ZNF71: variants seen among roughly 807,000 people sequenced by gnomAD.
ZNF71 encodes zinc finger protein 71, also known as endothelial zinc finger protein induced by tumor necrosis factor alpha.
In ZNF71, 3 loss-of-function variants were observed where a neutral mutation model predicts 6.7. The observed-to-expected ratio is 0.45, with a 90% CI of 0.20 to 1.16. The LOEUF is 1.16. ZNF71 is among the 50% of genes most tolerant of loss of function. The pLI is 0.25. For synonymous variants in ZNF71, 343 were observed against 311.1 expected (o/e 1.10, Z -1.08); for missense variants, 688 against 728.6 (o/e 0.94, Z 0.64).
At position 56,618,018 on chromosome 19, in the gene ZNF71, C is replaced by T. The variant is rs1261998303; in HGVS notation, c.161-3250C>T. ...CCCCTGGAGACAGTCTTCTCTCCAC[C>T]GAGTCTACACCCCACACTACCATCT... On this transcript the variant is annotated intron_variant, in intron 3 of 3. Coordinates refer to ENST00000599599, the MANE Select transcript of ZNF71 (RefSeq NM_001370215.1). The surrounding 1 kb of genome is among the most constrained non-coding windows in gnomAD (Gnocchi z 4.6). Among the ~76,000 whole-genome samples the T allele has an allele frequency of 2.2e-5, 3 of 137,650 alleles. No individual in the cohort carries two copies. Among genetic ancestry groups the T allele is most frequent in the African/African-American group, 5.5e-5 (2 of 36,126 alleles). The allele number at this position is 137,650 out of a possible 152,430, so 90.3% of individuals were successfully genotyped here.
chr19:56,596,409 G>T (rs947209907), intron 1 of ZNF71, among the ~76,000 whole-genome samples: 3 of 152,096 alleles, frequency 2.0e-5, no homozygotes, highest in East Asian at 3.9e-4. Flanking sequence ...CTCACCCTAC[G>T]CTTCTCCTAG....
Position 56,598,966 on chromosome 19 carries a change from T to C in ZNF71, c.-52-2541T>C, listed in dbSNP as rs2044646613. ...TACCGATTCAGGGGCCCTACCCAGGTAGTTTGATTCAGAGGATCTGAGGTG... is the reference window on the plus strand; with the variant it reads ...TACCGATTCAGGGGCCCTACCCAGGCAGTTTGATTCAGAGGATCTGAGGTG... On this transcript the variant is annotated intron_variant, in intron 1 of 3. Coordinates refer to ENST00000599599, the MANE Select transcript of ZNF71 (RefSeq NM_001370215.1). The surrounding 1 kb of genome is among the most constrained non-coding windows in gnomAD (Gnocchi z 4.2). 6.6e-6 allele frequency among the ~76,000 whole-genome samples: 1 copy of C among 152,098 alleles called. No homozygotes were observed. The highest frequency in any genetic ancestry group is 2.4e-5 in the African/African-American group (1 of 41,406).
chr19:56,604,200 C>T (rs567101421), intron 2 of ZNF71, among the ~76,000 whole-genome samples: 1 of 151,950 alleles, frequency 6.6e-6, no homozygotes, highest in Non-Finnish European at 1.5e-5. Flanking sequence ...GTAATGGATC[C>T]GTTTATGGCC....
At chr19:56,621,060 G>A (rs536899595) in intron 3 of ZNF71, among the ~76,000 whole-genome samples, 2 of 152,242 alleles carry the variant, frequency 1.3e-5, no homozygotes, top group South Asian at 4.1e-4. Context: ...CACCTCCTGT[G>A]TTGACTCTGC....
chr19:56,615,526 C>G (rs1008256673), intron 3 of ZNF71, among the ~76,000 whole-genome samples: 5 of 145,372 alleles, frequency 3.4e-5, no homozygotes, highest in African/African-American at 1.3e-4. Flanking sequence ...TGTATATTCT[C>G]TTTGGTAAAG....
chr19:56,622,753 C>A lies in ZNF71; in HGVS notation c.1646C>A (p.Thr549Asn). 1 of 1,596,406 alleles carries A rather than the reference C, an allele frequency of 6.3e-7. No homozygotes were observed. Among genetic ancestry groups the A allele is most frequent in the Non-Finnish European group, 8.5e-7 (1 of 1,170,276 alleles). Residue 549 changes from threonine to asparagine, a missense_variant, in exon 4 of 4, where the codon ACC becomes AAC. Coordinates refer to ENST00000599599, the MANE Select transcript of ZNF71 (RefSeq NM_001370215.1). The part of the protein sequence containing the change: ...TNLTRHLRIH[T>N] Reference sequence around the variant, plus strand: ...CTGACGCGCCACCTGCGGATTCACACCTGAGCGCCTCTGTGCAGGGCTCTC... The same window carrying A: ...CTGACGCGCCACCTGCGGATTCACAACTGAGCGCCTCTGTGCAGGGCTCTC...
Position 56,622,338 on chromosome 19 carries a change from G to C in ZNF71, c.1231G>C (p.Val411Leu). 1 of 1,612,554 alleles carries C rather than the reference G, an allele frequency of 6.2e-7. No individual in the cohort carries two copies. ...LIQHQRFHIG[V>L]KPFECSECGK... ...CCAGCACCAGCGCTTCCACATCGGC[G>C]TGAAGCCGTTCGAGTGCAGCGAGTG... The change falls in exon 4 of 4, where the codon GTG becomes CTG. Residue 411 changes from valine to leucine, a missense_variant. Transcript: ENST00000599599.
At chr19:56,620,735 G>A (rs966319255) in intron 3 of ZNF71, among the ~76,000 whole-genome samples, 8 of 151,980 alleles carry the variant, frequency 5.3e-5, no homozygotes, top group African/African-American at 1.9e-4. Flanking sequence ...GGGGGTGGGG[G>A]GTCTCACTAT....
At chr19:56,609,451 C>T (rs1325868472) in intron 2 of ZNF71, among the ~76,000 whole-genome samples, 2 of 152,166 alleles carry the variant, frequency 1.3e-5, no homozygotes, top group Non-Finnish European at 2.9e-5. Flanking sequence ...CCCCATTTCT[C>T]TCCAACCCAC....
chr19:56,617,115 T>TTTTTG (rs2044800875), intron 3 of ZNF71, among the ~76,000 whole-genome samples: 1 of 146,528 alleles, frequency 6.8e-6, no homozygotes, highest in African/African-American at 2.6e-5. Flanking sequence ...TTCTTTTGTT[T>TTTTTG]TTTTTTGTTT....
rs2044848984 is a variant in ZNF71 at position 56,621,566 on chromosome 19, G to A, written c.459G>A (p.Leu153=). The A allele has an allele frequency of 1.2e-6, 2 of 1,614,090 alleles. No homozygotes were observed. Among genetic ancestry groups the A allele is most frequent in the South Asian group, 1.1e-5 (1 of 91,082 alleles). Residue 153 remains leucine, a synonymous_variant, in exon 4 of 4, where the codon CTG becomes CTA. Transcript: ENST00000599599. ...GCTGTGTCCTGGTCCCACCACGGCTGGACGACCCCACAGAAAAGGGGGCCT... is the reference window on the plus strand; with the variant it reads ...GCTGTGTCCTGGTCCCACCACGGCTAGACGACCCCACAGAAAAGGGGGCCT... ...NQGCVLVPPR[L]DDPTEKGACP...
At position 56,623,850 on chromosome 19, in the gene ZNF71, T is replaced by C. The variant is rs923233805; in HGVS notation, c.*1093T>C. 4 of 167,104 alleles carry C rather than the reference T, an allele frequency of 2.4e-5. No individual in the cohort carries two copies. The highest frequency in any genetic ancestry group is 7.2e-5 in the African/African-American group (3 of 41,450). The allele number at this position is 167,104 out of a possible 1,614,324, so 10.4% of individuals were successfully genotyped here. ...ACGGCAGACTTCCTCAGGCCCCTTA[T>C]AAGGGTGCTAATCCCAGTCACAAGG... On this transcript the variant is annotated 3_prime_UTR_variant, in exon 4 of 4. Transcript: ENST00000599599.
chr19:56,614,566 A>G (rs147225649), intron 3 of ZNF71, among the ~76,000 whole-genome samples: 177 of 152,334 alleles, frequency 1.2e-3, no homozygotes, highest in Non-Finnish European at 1.9e-3. Context: ...GACTGAACGT[A>G]TCAAGGCCTA....
At chr19:56,608,253 C>G (rs1482432425) in intron 2 of ZNF71, among the ~76,000 whole-genome samples, 1 of 152,016 alleles carries the variant, frequency 6.6e-6, no homozygotes, top group Non-Finnish European at 1.5e-5. Flanking sequence ...AAAACTGAAA[C>G]TCTGCAGCCA....
At chr19:56,612,239 T>G (rs2044757202) in intron 2 of ZNF71, among the ~76,000 whole-genome samples, 1 of 152,224 alleles carries the variant, frequency 6.6e-6, no homozygotes, top group African/African-American at 2.4e-5. Context: ...AAAAGACACC[T>G]GCACGTGTAT....
At chr19:56,599,739 G>A (rs1047398407) in intron 1 of ZNF71, among the ~76,000 whole-genome samples, 1 of 150,020 alleles carries the variant, frequency 6.7e-6, no homozygotes, top group Non-Finnish European at 1.5e-5. Context: ...TGTCACCCAG[G>A]CTGGAGTGCA....
chr19:56,620,149 T>G (rs1292827108), intron 3 of ZNF71, among the ~76,000 whole-genome samples: 1 of 152,166 alleles, frequency 6.6e-6, no homozygotes, highest in Non-Finnish European at 1.5e-5. Context: ...GTATGAACAC[T>G]TAGTGCTGAG....
rs1161132525 is a variant in ZNF71, at chr19:56,604,201, G to A, written c.33+2610G>A. ...GGGAACTTTTGGAGGTAATGGATCC[G>A]TTTATGGCCTTGATGGTGGTGATGG... On this transcript the variant is annotated intron_variant, in intron 2 of 3. Coordinates refer to ENST00000599599, the MANE Select transcript of ZNF71 (RefSeq NM_001370215.1). Among the ~76,000 whole-genome samples, 9 of 152,324 alleles carry A rather than the reference G, an allele frequency of 5.9e-5. No homozygotes were observed. In the East Asian group the frequency reaches 9.6e-4, roughly 16 times the overall value.
chr19:56,613,934 A>T lies in ZNF71; in HGVS notation c.156A>T (p.Ser52=), dbSNP rs561487602. 454 of 1,071,876 alleles carry T rather than the reference A, an allele frequency of 4.2e-4. 4 individuals carry two copies. The South Asian group carries it at 0.014, about 34-fold the overall frequency. The allele number at this position is 1,071,876 out of a possible 1,614,324, so 66.4% of individuals were successfully genotyped here. The change falls in exon 3 of 4, where the codon TCA becomes TCT. Residue 52 remains serine (S), a synonymous_variant. Transcript: ENST00000599599. The surrounding 1 kb of genome is among the most constrained non-coding windows in gnomAD (Gnocchi z 4.6). ...TGGAGAACTACAGGAACCTGGTCTC[A>T]CTGGGTAAGGGGCAGCTTCGTTGAG... ...VMLENYRNLV[S]LDWETRPEMK...
Sources: gnomAD v4.1 joint callset for allele counts (sites outside exome capture counted in the v4.1 genomes callset) on GRCh38, gnomAD v4.1.1 for gene constraint, Gnocchi (gnomAD v3.1) non-coding constraint, MANE v1.5 for transcripts, NCBI Gene and HGNC (gene_info 2026-07-23, HGNC 2026-07-21) for gene names.